ADCK1: variants seen among roughly 807,000 people sequenced by gnomAD.
ADCK1 encodes aarF domain containing kinase 1.
ADCK1 carries 41 observed loss-of-function variants against 52.3 expected under a neutral mutation model. That is an observed-to-expected ratio of 0.78 (90% CI 0.61 to 1.02). The LOEUF (loss-of-function observed/expected upper bound fraction) is 1.02, where lower values mean the gene tolerates loss of function less well. Ranked by LOEUF, ADCK1 falls within the 50% of genes least tolerant of loss-of-function variation. The pLI is 0.00. For synonymous variants in ADCK1, 250 were observed against 274.6 expected (o/e 0.91, Z 0.89); for missense variants, 658 against 679.5 (o/e 0.97, Z 0.35).
At chr14:77,921,586 G>A (rs1232580380) in intron 7 of ADCK1, among the ~76,000 whole-genome samples, 1 of 152,104 alleles carries the variant, frequency 6.6e-6, no homozygotes, top group African/African-American at 2.4e-5. Flanking sequence ...CATGCCATTG[G>A]CAGGGACTCC....
intron 4 of ADCK1, among the ~76,000 whole-genome samples, chr14:77,864,695 G>A (rs2082626379): frequency 6.6e-6 from 1 of 152,022 alleles, no homozygotes; most frequent in Non-Finnish European, 1.5e-5. Flanking sequence ...GCTTGTGTGT[G>A]TGTATTTAGA....
At position 77,934,351 on chromosome 14, in the gene ADCK1, C is replaced by T. The variant is rs1663010156; in HGVS notation, c.*960C>T. The T allele has an allele frequency of 6.6e-6, 1 of 152,182 alleles. No individual in the cohort carries two copies. The highest frequency in any genetic ancestry group is 2.4e-5 in the African/African-American group (1 of 41,422). The allele number at this position is 152,182 out of a possible 1,614,324, so 9.4% of individuals were successfully genotyped here. Reference sequence around the variant, plus strand: ...AAGCCCAAGGCCAGGAACTCAGAGGCTCAGCTGAAACCTTGGACCTTGTTT... The same window carrying T: ...AAGCCCAAGGCCAGGAACTCAGAGGTTCAGCTGAAACCTTGGACCTTGTTT... On this transcript the variant is annotated 3_prime_UTR_variant, in exon 11 of 11. Coordinates refer to ENST00000238561, the MANE Select transcript of ADCK1 (RefSeq NM_020421.4).
intron 4 of ADCK1, among the ~76,000 whole-genome samples, chr14:77,865,980 C>T (rs2140153781): frequency 6.6e-6 from 1 of 152,274 alleles, no homozygotes; most frequent in East Asian, 1.9e-4. Flanking sequence ...TCCATCTTTA[C>T]CTGGGCTTTC....
intron 10 of ADCK1, 41 bp from the exon 11 acceptor site, chr14:77,933,179 C>G: frequency 1.9e-6 from 3 of 1,598,304 alleles, no homozygotes; most frequent in Admixed American, 1.7e-5. Context: ...TGTTTCTTGC[C>G]TCTTTATCTC....
At chr14:77,915,331 C>A (rs1252401047) in intron 7 of ADCK1, among the ~76,000 whole-genome samples, 6 of 143,208 alleles carry the variant, frequency 4.2e-5, no homozygotes, top group African/African-American at 1.3e-4. Flanking sequence ...TATCCCTCCC[C>A]CCTCCCCCCT....
At chr14:77,895,154 A>G (rs745363354) in intron 5 of ADCK1, among the ~76,000 whole-genome samples, 18 of 152,214 alleles carry the variant, frequency 1.2e-4, no homozygotes, top group Non-Finnish European at 2.1e-4. Context: ...ATGACCCGAT[A>G]GGAAGATAGT....
intron 3 of ADCK1, among the ~76,000 whole-genome samples, chr14:77,826,067 A>G (rs2081696675): frequency 6.6e-6 from 1 of 152,214 alleles, no homozygotes; most frequent in South Asian, 2.1e-4. Flanking sequence ...TAGCTCCTAG[A>G]TAAGCTGACA....
intron 7 of ADCK1, among the ~76,000 whole-genome samples, chr14:77,911,852 C>G (rs2083798757): frequency 6.6e-6 from 1 of 151,812 alleles, no homozygotes; most frequent in South Asian, 2.1e-4. Context: ...GATGAAGAAT[C>G]AGAGACTCAG....
intron 7 of ADCK1, among the ~76,000 whole-genome samples, chr14:77,922,925 C>T (rs139014154): frequency 1.3e-5 from 2 of 152,244 alleles, no homozygotes; most frequent in East Asian, 3.9e-4. Flanking sequence ...GAGGCAGGAA[C>T]CACAGCATCT....
intron 9 of ADCK1, among the ~76,000 whole-genome samples, chr14:77,928,101 T>G (rs1455560738): frequency 6.6e-6 from 1 of 151,986 alleles, no homozygotes; most frequent in Non-Finnish European, 1.5e-5. Context: ...CCAAGGTGTG[T>G]TTTGGAAGTA....
intron 4 of ADCK1, among the ~76,000 whole-genome samples, chr14:77,886,347 C>T (rs2083146203): frequency 6.6e-6 from 1 of 152,152 alleles, no homozygotes; most frequent in Non-Finnish European, 1.5e-5. Context: ...TGTCTGATCC[C>T]TGAGATACTG....
intron 3 of ADCK1, among the ~76,000 whole-genome samples, chr14:77,856,163 T>A (rs1406462377): frequency 6.6e-6 from 1 of 152,110 alleles, no homozygotes; most frequent in Non-Finnish European, 1.5e-5. Context: ...TGAGCCGAGA[T>A]CACGCCATTG....
At chr14:77,851,271 C>A (rs932682307) in intron 3 of ADCK1, among the ~76,000 whole-genome samples, 4 of 152,152 alleles carry the variant, frequency 2.6e-5, no homozygotes, top group African/African-American at 9.6e-5. Context: ...GTGCGTGCCA[C>A]CACGCCTGGC....
At chr14:77,855,454 C>T (rs1214580716) in intron 3 of ADCK1, among the ~76,000 whole-genome samples, 1 of 152,224 alleles carries the variant, frequency 6.6e-6, no homozygotes, top group African/African-American at 2.4e-5. Flanking sequence ...GCCTGAGACA[C>T]TCTGAAGTCC....
chr14:77,873,379 C>T (rs569535252), intron 4 of ADCK1, among the ~76,000 whole-genome samples: 2 of 152,320 alleles, frequency 1.3e-5, no homozygotes, highest in East Asian at 3.9e-4. Flanking sequence ...CCATGGGAGG[C>T]CCTGTTCAAG....
chr14:77,863,815 CAA>C (rs1336088369), intron 4 of ADCK1, among the ~76,000 whole-genome samples: 1 of 150,304 alleles, frequency 6.7e-6, no homozygotes, highest in Admixed American at 6.6e-5. Flanking sequence ...CCAGCCTGGT[CAA>C]GAGAGTGAGA....
At chr14:77,824,634 G>A (rs1251937395) in intron 3 of ADCK1, among the ~76,000 whole-genome samples, 1 of 151,382 alleles carries the variant, frequency 6.6e-6, no homozygotes, top group African/African-American at 2.4e-5. Context: ...GGGTTTCATC[G>A]TGTTGGCCAG....
At chr14:77,812,926 C>G (rs147110983) in intron 1 of ADCK1, among the ~76,000 whole-genome samples, 1 of 151,984 alleles carries the variant, frequency 6.6e-6, no homozygotes, top group Non-Finnish European at 1.5e-5. Context: ...CAATCTCATT[C>G]TTGCAGAGGT....
intron 1 of ADCK1, among the ~76,000 whole-genome samples, chr14:77,809,650 C>T (rs555180623): frequency 7.3e-5 from 11 of 151,584 alleles, no homozygotes; most frequent in Middle Eastern, 3.2e-3. Flanking sequence ...AATTATTTGA[C>T]GTTATGCCAA....
Sources: allele counts gnomAD v4.1 joint callset (sites outside exome capture counted in the v4.1 genomes callset), GRCh38; gene constraint gnomAD v4.1.1; transcripts MANE v1.5; gene names NCBI Gene and HGNC (gene_info 2026-07-23, HGNC 2026-07-21).